ZNF528: variants seen among roughly 807,000 people sequenced by gnomAD.
The protein encoded by ZNF528 is zinc finger protein 528.
ZNF528 carries 9 observed loss-of-function variants against 13.3 expected under a neutral mutation model. The ratio of observed to expected loss-of-function variants is 0.67; its 90% CI spans 0.41 to 1.18. The LOEUF (loss-of-function observed/expected upper bound fraction) is 1.18. ZNF528 is among the 50% of genes most tolerant of loss of function. The pLI is 0.01. For missense variants in ZNF528, 858 were observed against 745.4 expected, an observed-to-expected ratio of 1.15 and a Z score of -1.76; for synonymous variants, 264 against 254.3, an observed-to-expected ratio of 1.04 and a Z score of -0.36.
At chr19:52,410,127 G>A (rs963087930) in intron 6 of ZNF528, among the ~76,000 whole-genome samples, 3 of 152,216 alleles carry the variant, frequency 2.0e-5, no homozygotes, top group African/African-American at 7.2e-5. Context: ...CATAAGAACT[G>A]TACAAGGTGA....
chr19:52,411,631 G>A (rs530240547), intron 6 of ZNF528: 6 of 152,244 alleles, frequency 3.9e-5, no homozygotes, highest in South Asian at 2.1e-4. Context: ...CCATTCTAAT[G>A]GTAAGGCAGT....
chr19:52,403,659 CA>C (rs398035018), intron 4 of ZNF528, among the ~76,000 whole-genome samples: 200 of 84,968 alleles, frequency 2.4e-3, no homozygotes, highest in African/African-American at 6.4e-3. Context: ...GACTCCATCT[CA>C]AAAAAAAAAA....
In ZNF528 at chr19:52,415,636, A is replaced by T. The variant is rs1568431366; in HGVS notation, c.784A>T (p.Ile262Phe). The T allele has an allele frequency of 1.2e-6, 2 of 1,614,188 alleles. No homozygotes were observed. The highest frequency in any genetic ancestry group is 1.1e-5 in the South Asian group (1 of 91,076). The change falls in exon 7 of 7, where the codon ATT becomes TTT. Residue 262 changes from isoleucine to phenylalanine, a missense_variant. Coordinates refer to ENST00000360465, the MANE Select transcript of ZNF528 (RefSeq NM_032423.3). ...SNSNLSQHQR[I>F]HTGEKPYKCH... ...TTCAAACCTTTCACAACATCAAAGA[A>T]TTCATACTGGAGAGAAGCCTTACAA...
chr19:52,401,030 C>G (rs1426791473), intron 2 of ZNF528, among the ~76,000 whole-genome samples: 1 of 152,076 alleles, frequency 6.6e-6, no homozygotes, highest in African/African-American at 2.4e-5. Flanking sequence ...GAAATGTCAC[C>G]CAATTTAGTC....
rs750223983 is a variant in ZNF528 at position 52,416,107 on chromosome 19, A to C, written c.1255A>C (p.Ser419Arg). 6.2e-7 allele frequency: 1 copy of C among 1,614,050 alleles called. No individual in the cohort carries two copies. The highest frequency in any genetic ancestry group is 8.5e-7 in the Non-Finnish European group (1 of 1,180,032). The change falls in exon 7 of 7, where the codon AGT becomes CGT. Residue 419 changes from serine (S) to arginine (R), a missense_variant. Transcript: ENST00000360465. Reference protein sequence around the residue: ...YGCSQCGKIFSQKSDLIRHRK... With the variant: ...YGCSQCGKIFRQKSDLIRHRK... The stretch of plus-strand genomic sequence containing the variant: ...ATGCAGTCAGTGTGGCAAGATCTTT[A>C]GTCAGAAATCAGACCTTATACGACA...
At chr19:52,409,122 TGAA>T (rs990428150) in intron 6 of ZNF528, among the ~76,000 whole-genome samples, 31 of 152,154 alleles carry the variant, frequency 2.0e-4, no homozygotes, top group Admixed American at 7.2e-4. Context: ...CTTTCTAGCC[TGAA>T]GATGTCTGCT....
chr19:52,416,300 A>G lies in ZNF528; in HGVS notation c.1448A>G (p.His483Arg), dbSNP rs752436405. Residue 483 changes from histidine (H) to arginine (R), a missense_variant, in exon 7 of 7, where the codon CAT becomes CGT. His to Arg is a conservative substitution (Grantham distance 29). Coordinates refer to ENST00000360465, the MANE Select transcript of ZNF528 (RefSeq NM_032423.3). ...VFRYKSSLTS[H>R]HRIHTGEKPY... is the part of the protein sequence containing the mutation. ...AGGTACAAGTCTTCTCTAACCAGTCATCATAGAATTCATACTGGAGAGAAG... is the reference window on the plus strand; with the variant it reads ...AGGTACAAGTCTTCTCTAACCAGTCGTCATAGAATTCATACTGGAGAGAAG... 25 of 1,614,032 alleles carry G rather than the reference A, an allele frequency of 1.5e-5. No homozygotes were observed. Among genetic ancestry groups the G allele is most frequent in the Middle Eastern group, 3.3e-4 (2 of 6,080 alleles).
intron 2 of ZNF528, among the ~76,000 whole-genome samples, chr19:52,401,067 C>A (rs1317310179): frequency 2.0e-5 from 3 of 152,094 alleles, no homozygotes; most frequent in Non-Finnish European, 4.4e-5. Flanking sequence ...CTGCCCACAC[C>A]CTCAGCTTTT....
chr19:52,404,150 C>T (rs1417669450), intron 4 of ZNF528, among the ~76,000 whole-genome samples: 1 of 152,144 alleles, frequency 6.6e-6, no homozygotes, highest in Admixed American at 6.5e-5. Flanking sequence ...ATTGTTAGTC[C>T]TGACACCTGG....
In ZNF528 at chr19:52,415,599, C is replaced by G; in HGVS notation, c.747C>G (p.Leu249=). The part of the protein sequence containing the change: ...KPYKCHECGK[L]FSSNSNLSQH... ...ACAAATGTCATGAATGTGGCAAGCTCTTCAGTAGCAATTCAAACCTTTCAC... is the reference window on the plus strand; with the variant it reads ...ACAAATGTCATGAATGTGGCAAGCTGTTCAGTAGCAATTCAAACCTTTCAC... The change falls in exon 7 of 7, where the codon CTC becomes CTG. Residue 249 remains leucine (L), a synonymous_variant. Coordinates refer to ENST00000360465, the MANE Select transcript of ZNF528 (RefSeq NM_032423.3). 1 of 1,614,118 alleles carries G rather than the reference C, an allele frequency of 6.2e-7. No homozygotes were observed. The highest frequency in any genetic ancestry group is 1.1e-5 in the South Asian group (1 of 91,080).
chr19:52,415,561 G>A lies in ZNF528; in HGVS notation c.709G>A (p.Gly237Arg). Reference protein sequence around the residue: ...KLVIHRRMHTGEKPYKCHECG... With the variant: ...KLVIHRRMHTREKPYKCHECG... ...TGTGATACATCGAAGAATGCATACT[G>A]GAGAGAAGCCTTACAAATGTCATGA... The change falls in exon 7 of 7, where the codon GGA becomes AGA. Residue 237 changes from glycine to arginine, a missense_variant. Transcript: ENST00000360465. The A allele has an allele frequency of 1.2e-6, 2 of 1,614,172 alleles. No individual in the cohort carries two copies. Among genetic ancestry groups the A allele is most frequent in the Non-Finnish European group, 1.7e-6 (2 of 1,180,040 alleles).
intron 1 of ZNF528, 40 bp downstream of exon 1, chr19:52,397,944 GTTC>G (rs1361211504): frequency 2.0e-5 from 3 of 152,254 alleles, no homozygotes; most frequent in Non-Finnish European, 4.4e-5. Flanking sequence ...AGGCTAGCCA[GTTC>G]TTCTCTGCTT....
At position 52,415,554 on chromosome 19, in the gene ZNF528, G is replaced by A. The variant is rs375988721; in HGVS notation, c.702G>A (p.Met234Ile). Reference protein sequence around the residue: ...CSSKLVIHRRMHTGEKPYKCH... With the variant: ...CSSKLVIHRRIHTGEKPYKCH... ...CAAAGCTTGTGATACATCGAAGAAT[G>A]CATACTGGAGAGAAGCCTTACAAAT... The change falls in exon 7 of 7, where the codon ATG becomes ATA. Residue 234 changes from methionine (M) to isoleucine (I), a missense_variant. Physicochemically the swap from Met to Ile is conservative, Grantham distance 10. Coordinates refer to ENST00000360465, the MANE Select transcript of ZNF528 (RefSeq NM_032423.3). 3.7e-6 allele frequency: 6 copies of A among 1,614,054 alleles called. No homozygotes were observed. Among genetic ancestry groups the A allele is most frequent in the African/African-American group, 1.3e-5 (1 of 74,990 alleles).
chr19:52,412,284 A>C (rs1312004495), intron 6 of ZNF528: 1 of 152,190 alleles, frequency 6.6e-6, no homozygotes. Context: ...AAACTACTTG[A>C]ATTTCTCCTT....
intron 5 of ZNF528, 103 bp from the exon 6 acceptor site, chr19:52,406,412 A>T: frequency 6.8e-7 from 1 of 1,477,692 alleles, no homozygotes; most frequent in Non-Finnish European, 9.0e-7. Flanking sequence ...AATTTGTGAA[A>T]TACTATTTAT....
At chr19:52,405,830 A>C in intron 4 of ZNF528, 77 bp from the exon 5 acceptor site, 2 of 1,575,792 alleles carry the variant, frequency 1.3e-6, no homozygotes, top group Non-Finnish European at 1.7e-6. Context: ...GTCAGTCCTT[A>C]ACGACTGTCT....
At position 52,401,952 on chromosome 19, in the gene ZNF528, A is replaced by G; in HGVS notation, c.-62A>G. 3.1e-6 allele frequency: 5 copies of G among 1,613,820 alleles called. No individual in the cohort carries two copies. The highest frequency in any genetic ancestry group is 4.2e-6 in the Non-Finnish European group (5 of 1,179,864). On this transcript the variant is annotated 5_prime_UTR_variant, in exon 4 of 7. Transcript: ENST00000360465. Reference sequence around the variant, plus strand: ...AGCATATTTTTGACATTCAGGATTCACTTCCAAAGAGACATATTATGCAAG... The same window carrying G: ...AGCATATTTTTGACATTCAGGATTCGCTTCCAAAGAGACATATTATGCAAG...
In ZNF528 at chr19:52,415,519, A is replaced by G; in HGVS notation, c.667A>G (p.Ser223Gly). The change falls in exon 7 of 7, where the codon AGT (serine) becomes GGT (glycine). Residue 223 changes from serine to glycine, a missense_variant. Physicochemically the swap from Ser to Gly is moderately conservative, Grantham distance 56 (BLOSUM62 0). Coordinates refer to ENST00000360465, the MANE Select transcript of ZNF528 (RefSeq NM_032423.3). Reference sequence around the variant, plus strand: ...ATGCAGTGAATGTGGCAAGGTCTTTAGTTGCAGTTCAAAGCTTGTGATACA... The same window carrying G: ...ATGCAGTGAATGTGGCAAGGTCTTTGGTTGCAGTTCAAAGCTTGTGATACA... ...YKCSECGKVF[S>G]CSSKLVIHRR... The G allele has an allele frequency of 6.2e-7, 1 of 1,614,190 alleles. No homozygotes were observed. The highest frequency in any genetic ancestry group is 8.5e-7 in the Non-Finnish European group (1 of 1,180,038).
Position 52,415,402 on chromosome 19 carries a change from A to G in ZNF528, c.550A>G (p.Lys184Glu). 6.2e-7 allele frequency: 1 copy of G among 1,614,200 alleles called. No homozygotes were observed. The highest frequency in any genetic ancestry group is 8.5e-7 in the Non-Finnish European group (1 of 1,180,042). The change falls in exon 7 of 7, where the codon AAA becomes GAA. Residue 184 changes from lysine to glutamate, a missense_variant. Coordinates refer to ENST00000360465, the MANE Select transcript of ZNF528 (RefSeq NM_032423.3). ...AGAACAGAAAGCACACATTAGGGAA[A>G]AAGCTTATAAATGTAATGAGCACGG... Reference protein sequence around the residue: ...PQEQKAHIREKAYKCNEHGQV... With the variant: ...PQEQKAHIREEAYKCNEHGQV...
Sources: allele counts gnomAD v4.1 joint callset (sites outside exome capture counted in the v4.1 genomes callset), GRCh38; gene constraint gnomAD v4.1.1; transcripts MANE v1.5; gene names NCBI Gene and HGNC (gene_info 2026-07-23, HGNC 2026-07-21).